The following PZP variants were observed in gnomAD, a reference collection of about 807,000 sequenced individuals.
The protein encoded by PZP is pregnancy zone protein.
Under a neutral mutation model 179.8 loss-of-function variants are expected in PZP, and 150 were observed. That is an observed-to-expected ratio of 0.83 (90% CI 0.73 to 0.96). The LOEUF (loss-of-function observed/expected upper bound fraction) is 0.96. Among genes scored for constraint, PZP ranks in the 40% least tolerant of loss-of-function variants. The probability of loss-of-function intolerance (pLI) is 0.00; values close to 1 mark genes in which losing one functional copy is unlikely to be tolerated. For missense variants in PZP, 1,689 were observed against 1,764.0 expected (o/e 0.96, Z 0.76); for synonymous variants, 624 against 652.3 (o/e 0.96, Z 0.66).
intron 15 of PZP, among the ~76,000 whole-genome samples, chr12:9,177,400 T>C (rs762533428): frequency 6.6e-6 from 1 of 152,310 alleles, no homozygotes; most frequent in Non-Finnish European, 1.5e-5. Flanking sequence ...GTCAGGTGGC[T>C]GCAGCTTTGG....
chr12:9,187,258 A>G (rs1198731900), intron 13 of PZP, among the ~76,000 whole-genome samples: 1 of 152,056 alleles, frequency 6.6e-6, no homozygotes, highest in Admixed American at 6.6e-5. Flanking sequence ...AAACTTCAAC[A>G]CTCCACAGAC....
Position 9,151,620 on chromosome 12 carries a change from A to G in PZP, c.4265T>C (p.Leu1422Pro), listed in dbSNP as rs760137329. 1 of 1,613,764 alleles carries G rather than the reference A, an allele frequency of 6.2e-7. No individual in the cohort carries two copies. Among genetic ancestry groups the G allele is most frequent in the Non-Finnish European group, 8.5e-7 (1 of 1,179,770 alleles). ...AGCCCTCACCTGTTCCACATAAATG[A>G]GGACATGGTTGTTGCTCACTTCTGT... The part of the protein sequence containing the change: ...SRTEVSNNHV[L>P]IYVEQVTNQT... Residue 1422 changes from leucine to proline, a missense_variant, in exon 33 of 36, where the codon CTC becomes CCC. By Grantham distance (98) the Leu-to-Pro change is moderately conservative. This residue lies in a region of PZP where 746 missense variants were observed against 749.2 expected (regional missense o/e 1.00). Coordinates refer to ENST00000261336, the MANE Select transcript of PZP (RefSeq NM_002864.3).
chr12:9,190,129 A>G (rs755356972), intron 13 of PZP, among the ~76,000 whole-genome samples: 3 of 152,226 alleles, frequency 2.0e-5, no homozygotes, highest in Non-Finnish European at 2.9e-5. Context: ...TGACCCAAGA[A>G]TCCCAGTACT....
chr12:9,206,001 G>A (rs1186100908), intron 1 of PZP, among the ~76,000 whole-genome samples: 1 of 152,130 alleles, frequency 6.6e-6, no homozygotes, highest in Non-Finnish European at 1.5e-5. Context: ...AATCATCCAA[G>A]TTTCAGATGA....
rs777466756 is a variant in PZP, at chr12:9,149,556, C to T, written c.4426+5G>A. The T allele has an allele frequency of 2.5e-6, 4 of 1,611,952 alleles. No individual in the cohort carries two copies. The South Asian group carries it at 4.4e-5, about 18-fold the overall frequency. On this transcript the variant is annotated splice_donor_5th_base_variant and intron_variant, in intron 35 of 35. Coordinates refer to ENST00000261336, the MANE Select transcript of PZP (RefSeq NM_002864.3). The stretch of plus-strand genomic sequence containing the variant: ...TAGTACTGGTCATAAGTGGTGAACT[C>T]TTACCTGTGCTGCAGGGGGCGATAT...
intron 3 of PZP, 24 bp downstream of exon 3, chr12:9,202,501 A>C: frequency 1.2e-6 from 2 of 1,613,710 alleles, no homozygotes; most frequent in Non-Finnish European, 1.7e-6. Flanking sequence ...GTGTTGCCCC[A>C]AACAGTGGAA....
chr12:9,166,402 C>T (rs764586318), intron 17 of PZP, among the ~76,000 whole-genome samples, 200 bp from the exon 18 acceptor site: 2 of 152,240 alleles, frequency 1.3e-5, no homozygotes, highest in South Asian at 2.1e-4. Flanking sequence ...GGTGGAAATT[C>T]TATGTATCCT....
intron 6 of PZP, among the ~76,000 whole-genome samples, 198 bp downstream of exon 6, chr12:9,200,693 CT>C (rs1270078484): frequency 6.6e-6 from 1 of 152,172 alleles, no homozygotes; most frequent in African/African-American, 2.4e-5. Flanking sequence ...AAGTTTCATA[CT>C]TGGCAAAGCG....
chr12:9,143,466 G>C, the PZP span, among the ~76,000 whole-genome samples: 1 of 152,032 alleles, frequency 6.6e-6, no homozygotes, highest in Non-Finnish European at 1.5e-5. Context: ...GGTCAAAAGG[G>C]GTTTCAGAGG....
Position 9,160,360 on chromosome 12 carries a change from C to T in PZP, c.3003G>A (p.Gln1001=), listed in dbSNP as rs1235581600. 1 of 1,614,176 alleles carries T rather than the reference C, an allele frequency of 6.2e-7. No individual in the cohort carries two copies. Among genetic ancestry groups the T allele is most frequent in the Admixed American group, 1.7e-5 (1 of 60,022 alleles). ...YVLNYLNETQ[Q]LTQEIKAKAV... ...CCTTGGCCTTGATCTCCTGCGTCAG[C>T]TGCTGGGTTTCATTCAGATAGTTCA... Residue 1001 remains glutamine, a synonymous_variant, in exon 24 of 36, where the codon CAG becomes CAA. Transcript: ENST00000261336.
rs1942798876 is a variant in PZP, at chr12:9,182,074, A to T, written c.1590T>A (p.Val530=). The T allele has an allele frequency of 6.2e-7, 1 of 1,613,966 alleles. No homozygotes were observed. ...FALSFPVESD[V]APIARMFIFA... is the part of the protein sequence containing the mutation. ...AGATGAACATTCGTGCAATGGGGGC[A>T]ACGTCTGACTCCACAGGGAAGGATA... The change falls in exon 14 of 36, where the codon GTT becomes GTA. Residue 530 remains valine, a synonymous_variant. Coordinates refer to ENST00000261336, the MANE Select transcript of PZP (RefSeq NM_002864.3).
chr12:9,153,125 C>G lies in PZP; in HGVS notation c.3993G>C (p.Gln1331His). 1.2e-6 allele frequency: 2 copies of G among 1,613,882 alleles called. No homozygotes were observed. The highest frequency in any genetic ancestry group is 1.3e-5 in the African/African-American group (1 of 75,040). ...TVTGERCVYL[Q>H]TSMKYNILPE... Reference sequence around the variant, plus strand: ...CACCCATATAAGCTTGGAGCCCTACCTGAAGATACACACATCTTTCCCCAG... The same window carrying G: ...CACCCATATAAGCTTGGAGCCCTACGTGAAGATACACACATCTTTCCCCAG... Residue 1331 changes from glutamine (Q) to histidine (H), a missense_variant and splice_region_variant, in exon 30 of 36, where the codon CAG becomes CAC. Around this residue, in one of 3 missense-constraint regions of PZP, gnomAD observed 746 missense variants for 749.2 expected, o/e 1.00. Transcript: ENST00000261336.
rs749984003 is a variant in PZP at position 9,196,575 on chromosome 12, C to A, written c.978G>T (p.Gly326=). The change falls in exon 9 of 36, where the codon GGG becomes GGT. Residue 326 remains glycine, a synonymous_variant. Transcript: ENST00000261336. ...LRVEARIREE[G]TDLEVTANRI... Reference sequence around the variant, plus strand: ...ATATTCGTTCATTACTCACACCTGTCCCCTCTTCTCTGATCCTGGCTTCCA... The same window carrying A: ...ATATTCGTTCATTACTCACACCTGTACCCTCTTCTCTGATCCTGGCTTCCA... 1.9e-6 allele frequency: 3 copies of A among 1,601,736 alleles called. No individual in the cohort carries two copies. In the African/African-American group the frequency reaches 4.0e-5, roughly 21 times the overall value.
intron 33 of PZP, 30 bp from the exon 34 acceptor site, chr12:9,150,776 C>T (rs1447045884): frequency 2.2e-6 from 3 of 1,377,092 alleles, no homozygotes; most frequent in East Asian, 2.3e-5. Flanking sequence ...TAATCAAGAA[C>T]CTAGAAAACC....
chr12:9,143,534 A>T, the PZP span, among the ~76,000 whole-genome samples: 1 of 152,110 alleles, frequency 6.6e-6, no homozygotes, highest in South Asian at 2.1e-4. Context: ...GGGTTTTATT[A>T]AGAAGGATTT....
Position 9,160,490 on chromosome 12 carries a change from C to T in PZP, c.2873G>A (p.Gly958Asp), listed in dbSNP as rs1941098076. Residue 958 changes from glycine to aspartate, a missense_variant and splice_region_variant, in exon 24 of 36, where the codon GGT (glycine) becomes GAT (aspartate). Gly to Asp is a moderately conservative substitution (Grantham distance 94). This residue lies in a region of PZP where 746 missense variants were observed against 749.2 expected (regional missense o/e 1.00). Coordinates refer to ENST00000261336, the MANE Select transcript of PZP (RefSeq NM_002864.3). ...ESARASFSVLGDILGSAMQNI... is the reference protein window; with the variant it reads ...ESARASFSVLDDILGSAMQNI... ...TTGCATAGCAGAACCTAATATGTCA[C>T]CTGGGGAATGTGAAAGATTAGATGT... 4 of 1,609,656 alleles carry T rather than the reference C, an allele frequency of 2.5e-6. No individual in the cohort carries two copies. The South Asian group carries it at 4.4e-5, about 18-fold the overall frequency.
In PZP at chr12:9,202,678, T is replaced by C; in HGVS notation, c.274A>G (p.Arg92Gly). The C allele has an allele frequency of 6.2e-7, 1 of 1,613,146 alleles. No individual in the cohort carries two copies. Among genetic ancestry groups the C allele is most frequent in the South Asian group, 1.1e-5 (1 of 90,962 alleles). ...LFHCVSFTLPRISASSEVAFL... is the reference protein window; with the variant it reads ...LFHCVSFTLPGISASSEVAFL... ...GCCACCTCTGAAGAGGCTGAGATCCTTGGGAGCTAAAAAGCAAAGGATTTT... is the reference window on the plus strand; with the variant it reads ...GCCACCTCTGAAGAGGCTGAGATCCCTGGGAGCTAAAAAGCAAAGGATTTT... Residue 92 changes from arginine to glycine, a missense_variant, in exon 3 of 36, where the codon AGG becomes GGG. Physicochemically the swap from Arg to Gly is moderately radical, Grantham distance 125. Around this residue, in one of 3 missense-constraint regions of PZP, gnomAD observed 742 missense variants for 730.5 expected, o/e 1.02. Transcript: ENST00000261336.
chr12:9,190,642 T>C (rs1943407485), intron 13 of PZP, among the ~76,000 whole-genome samples: 1 of 152,106 alleles, frequency 6.6e-6, no homozygotes, highest in African/African-American at 2.4e-5. Context: ...ACAAACCCCA[T>C]GACACGAGTT....
At chr12:9,157,741 G>A in intron 27 of PZP, 26 bp downstream of exon 27, 1 of 1,592,400 alleles carries the variant, frequency 6.3e-7, no homozygotes, top group Non-Finnish European at 8.6e-7. Flanking sequence ...TTTCATGGTA[G>A]GGAATGGGAT....
Sources: allele counts gnomAD v4.1 joint callset (sites outside exome capture counted in the v4.1 genomes callset), GRCh38; gene constraint gnomAD v4.1.1; regional missense constraint gnomAD v4.1.1; transcripts MANE v1.5; gene names NCBI Gene and HGNC (gene_info 2026-07-23, HGNC 2026-07-21).